Variants in TUBB2A observed in about 807,000 individuals in gnomAD.
TUBB2A encodes tubulin beta 2A class IIa, also known as tubulin beta-2A chain.
In TUBB2A, 7 loss-of-function variants were observed where a neutral mutation model predicts 33.9. The ratio of observed to expected loss-of-function variants is 0.21; its 90% CI spans 0.12 to 0.39. The LOEUF is 0.39. Among genes scored for constraint, TUBB2A ranks in the 10% least tolerant of loss-of-function variants. The pLI, the probability that TUBB2A is intolerant of heterozygous loss-of-function variation, is 1.00. For synonymous variants in TUBB2A, 187 were observed against 247.6 expected, an observed-to-expected ratio of 0.76 and a Z score of 2.30; for missense variants, 80 against 593.4, an observed-to-expected ratio of 0.13 and a Z score of 8.99.
At position 3,153,979 on chromosome 6, in the gene TUBB2A, A is replaced by T. The variant is rs1762591162; in HGVS notation, c.1222T>A (p.Phe408Ile). 1 of 1,605,598 alleles carries T rather than the reference A, an allele frequency of 6.2e-7. No individual in the cohort carries two copies. The highest frequency in any genetic ancestry group is 1.4e-5 in the African/African-American group (1 of 72,010). Residue 408 changes from phenylalanine to isoleucine, a missense_variant, in exon 4 of 4, where the codon TTC (phenylalanine) becomes ATC (isoleucine). Phe to Ile is a conservative substitution (Grantham distance 21). Around this residue, in one of 5 missense-constraint regions of TUBB2A, gnomAD observed 25 missense variants for 350.5 expected, o/e 0.07. Coordinates refer to ENST00000333628, the MANE Select transcript of TUBB2A (RefSeq NM_001069.3). ...YTGEGMDEME[F>I]TEAESNMNDL... is the part of the protein sequence containing the mutation. The stretch of plus-strand genomic sequence containing the variant: ...TTCATGTTGCTCTCGGCCTCGGTGA[A>T]CTCCATCTCGTCCATGCCCTCGCCC...
chr6:3,156,509 G>A (rs563603135), intron 1 of TUBB2A, among the ~76,000 whole-genome samples: 5 of 151,438 alleles, frequency 3.3e-5, no homozygotes, highest in Non-Finnish European at 7.4e-5. Context: ...CATTGCATCC[G>A]GGATGATTGA....
At position 3,155,829 on chromosome 6, in the gene TUBB2A, AT is replaced by A; in HGVS notation, c.167-95del. The A allele has an allele frequency of 7.4e-7, 1 of 1,354,396 alleles. No homozygotes were observed. The highest frequency in any genetic ancestry group is 1.4e-5 in the South Asian group (1 of 73,412). 83.9% of individuals were successfully genotyped at this position (1,354,396 alleles called of 1,614,324 possible). On this transcript the variant is annotated intron_variant, in intron 2 of 3. Coordinates refer to ENST00000333628, the MANE Select transcript of TUBB2A (RefSeq NM_001069.3). This position sits in a 1 kb window ranked among gnomAD's most constrained non-coding sequence, Gnocchi z 4.2. ...ATCTGAGACAAAAGGAGAACAGGAG[AT>A]TTTCTGCTTTTAAGAAAAAGGAGGT... is the stretch of plus-strand genomic sequence containing the variant.
At chr6:3,156,251 G>T in intron 1 of TUBB2A, 99 bp from the exon 2 acceptor site, 1 of 1,301,128 alleles carries the variant, frequency 7.7e-7, no homozygotes, top group Admixed American at 2.7e-5. Context: ...GGCTTTTGTG[G>T]TCAGACAGTT....
rs952668373 is a variant in TUBB2A at position 3,157,518 on chromosome 6, C to T, written c.-55G>A. 3 of 1,441,066 alleles carry T rather than the reference C, an allele frequency of 2.1e-6. No individual in the cohort carries two copies. Among genetic ancestry groups the T allele is most frequent in the East Asian group, 3.0e-5 (1 of 32,798 alleles). 89.3% of individuals were successfully genotyped at this position (1,441,066 alleles called of 1,614,324 possible). A position where few individuals can be genotyped will look rare whatever the true frequency, so the allele number is the denominator to read the frequency against. ...CCCTCGGAGCGGTGCGCGGCGTGGA[C>T]CGGCGGGCTGGGCTGCGCAGAGACC... is the stretch of plus-strand genomic sequence containing the variant. On this transcript the variant is annotated 5_prime_UTR_variant, in exon 1 of 4. Transcript: ENST00000333628.
intron 1 of TUBB2A, among the ~76,000 whole-genome samples, chr6:3,157,029 A>C (rs1177258889): frequency 1.3e-5 from 2 of 152,380 alleles, no homozygotes; most frequent in African/African-American, 2.4e-5. Flanking sequence ...TACATCTGCC[A>C]GTCCAGTGAC....
rs1255435132 is a variant in TUBB2A at position 3,156,002 on chromosome 6, T to G, written c.166+42A>C. 6.0e-6 allele frequency: 9 copies of G among 1,490,070 alleles called. No individual in the cohort carries two copies. The South Asian group carries it at 1.2e-4, about 20-fold the overall frequency. 92.3% of individuals were successfully genotyped at this position (1,490,070 alleles called of 1,614,324 possible). A position where few individuals can be genotyped will look rare whatever the true frequency, so the allele number is the denominator to read the frequency against. On this transcript the variant is annotated intron_variant, in intron 2 of 3. Transcript: ENST00000333628. ...CTGGGACGTTTCATCTCCCACATCA[T>G]GGAAAGCAAGGATTCCTGGGCACAC... is the stretch of plus-strand genomic sequence containing the variant.
At position 3,154,316 on chromosome 6, in the gene TUBB2A, G is replaced by A. The variant is rs1340011257; in HGVS notation, c.885C>T (p.Asp295=). The change falls in exon 4 of 4, where the codon GAC becomes GAT. Residue 295 remains aspartate, a synonymous_variant. Coordinates refer to ENST00000333628, the MANE Select transcript of TUBB2A (RefSeq NM_001069.3). ...TVPELTQQMF[D]SKNMMAACDP... ...CGCAGGCGGCCATCATGTTCTTGGA[G>A]TCGAACATCTGCTGGGTGAGCTCGG... The A allele has an allele frequency of 2.1e-6, 2 of 969,846 alleles. No individual in the cohort carries two copies. The highest frequency in any genetic ancestry group is 2.2e-5 in the African/African-American group (1 of 45,398). 60.1% of individuals were successfully genotyped at this position (969,846 alleles called of 1,614,324 possible). A position where few individuals can be genotyped will look rare whatever the true frequency, so the allele number is the denominator to read the frequency against.
Position 3,153,773 on chromosome 6 carries a change from C to T in TUBB2A, c.*90G>A, listed in dbSNP as rs145215507. On this transcript the variant is annotated 3_prime_UTR_variant, in exon 4 of 4. Transcript: ENST00000333628. ...CAACAGTGTGAATTTCTAACAGAGG[C>T]AAAACTGAGCACCATAGTTTACAAG... 14,555 of 1,572,396 alleles carry T rather than the reference C, an allele frequency of 9.3e-3. 90 individuals are homozygous for T. Among genetic ancestry groups the T allele is most frequent in the Admixed American group, 0.02 (1,144 of 57,190 alleles).
Position 3,156,155 on chromosome 6 carries a change from G to A in TUBB2A, c.58-3C>T, listed in dbSNP as rs1224343738. 1 of 1,613,464 alleles carries A rather than the reference G, an allele frequency of 6.2e-7. No individual in the cohort carries two copies. Among genetic ancestry groups the A allele is most frequent in the East Asian group, 2.2e-5 (1 of 44,886 alleles). On this transcript the variant is annotated splice_polypyrimidine_tract_variant and splice_region_variant and intron_variant, in intron 1 of 3. Transcript: ENST00000333628. Reference sequence around the variant, plus strand: ...TCATCGCTGATGACCTCCCAAAACTGAAATGAAAAAAGAACCACACCATGG... The same window carrying A: ...TCATCGCTGATGACCTCCCAAAACTAAAATGAAAAAAGAACCACACCATGG...
chr6:3,153,718 A>C lies in TUBB2A; in HGVS notation c.*145T>G. ...TAGATACCTTCACAGACAATACTGT[A>C]ATTTTTAGAGGAGTTCCACATCATT... On this transcript the variant is annotated 3_prime_UTR_variant, in exon 4 of 4. Coordinates refer to ENST00000333628, the MANE Select transcript of TUBB2A (RefSeq NM_001069.3). 7.7e-7 allele frequency: 1 copy of C among 1,292,270 alleles called. No homozygotes were observed. Among genetic ancestry groups the C allele is most frequent in the East Asian group, 2.5e-5 (1 of 39,704 alleles). The allele number at this position is 1,292,270 out of a possible 1,614,324, so 80.1% of individuals were successfully genotyped here. A position where few individuals can be genotyped will look rare whatever the true frequency, so the allele number is the denominator to read the frequency against.
chr6:3,157,262 G>T, intron 1 of TUBB2A, 145 bp downstream of exon 1: 1 of 966,652 alleles, frequency 1.0e-6, no homozygotes, highest in Non-Finnish European at 1.3e-6. Context: ...GGCGGGTCAT[G>T]CAGCCTCCCG....
intron 1 of TUBB2A, among the ~76,000 whole-genome samples, chr6:3,156,821 G>A (rs113236424): frequency 5.9e-5 from 9 of 151,954 alleles, no homozygotes; most frequent in African/African-American, 1.2e-4. Flanking sequence ...ACTGGCGCCC[G>A]CCCCCACCCA....
chr6:3,154,981 A>G, intron 3 of TUBB2A, 58 bp from the exon 4 acceptor site: 3 of 1,607,858 alleles, frequency 1.9e-6, no homozygotes, highest in Non-Finnish European at 2.5e-6. Context: ...AAAATCTGTC[A>G]TTTTGACTAT....
In TUBB2A at chr6:3,155,023, C is replaced by T; in HGVS notation, c.278-100G>A. On this transcript the variant is annotated intron_variant, in intron 3 of 3. Transcript: ENST00000333628. This position sits in a 1 kb window ranked among gnomAD's most constrained non-coding sequence, Gnocchi z 4.2. ...GAAGGTAGGACTGGTCTTAGACTGG[C>T]AGATTCTTCTCTTTTGAATACTCTT... 1 of 1,557,618 alleles carries T rather than the reference C, an allele frequency of 6.4e-7. No individual in the cohort carries two copies. Among genetic ancestry groups the T allele is most frequent in the Admixed American group, 1.9e-5 (1 of 52,152 alleles).
At chr6:3,157,165 A>T (rs909962) in intron 1 of TUBB2A, among the ~76,000 whole-genome samples, 18 of 152,154 alleles carry the variant, frequency 1.2e-4, no homozygotes, top group Non-Finnish European at 2.4e-4. Flanking sequence ...GGGAATGCCA[A>T]CCGCGTCCCG....
rs1762600538 is a variant in TUBB2A, at chr6:3,154,612, CTG to C, written c.587_588del (p.Thr196ArgfsTer2). The C allele has an allele frequency of 6.2e-7, 1 of 1,614,056 alleles. No homozygotes were observed. Among genetic ancestry groups the C allele is most frequent in the African/African-American group, 1.3e-5 (1 of 74,926 alleles). ...TCGTTATCAATGGAGTAGGTTTCAT[CTG>C]TGTTTTCCACCAGCTGGTGGACAGA... ...TLSVHQLVEN[T>X]DETYSIDNEA... On this transcript the variant is annotated frameshift_variant, in exon 4 of 4. Transcript: ENST00000333628. LOFTEE classifies it high-confidence loss of function.
Position 3,154,070 on chromosome 6 carries a change from C to T in TUBB2A, c.1131G>A (p.Leu377=), listed in dbSNP as rs1762592353. Residue 377 remains leucine (L), a synonymous_variant, in exon 4 of 4, where the codon CTG becomes CTA. Coordinates refer to ENST00000333628, the MANE Select transcript of TUBB2A (RefSeq NM_001069.3). ...TGAACTGCTCGGAGATGCGCTTGAACAGCTCCTGGATGGCCGTGCTGTTGC... is the reference window on the plus strand; with the variant it reads ...TGAACTGCTCGGAGATGCGCTTGAATAGCTCCTGGATGGCCGTGCTGTTGC... The part of the protein sequence containing the change: ...FIGNSTAIQE[L]FKRISEQFTA... 3 of 1,528,542 alleles carry T rather than the reference C, an allele frequency of 2.0e-6. No individual in the cohort carries two copies. Among genetic ancestry groups the T allele is most frequent in the Admixed American group, 1.8e-5 (1 of 54,598 alleles). The allele number at this position is 1,528,542 out of a possible 1,614,324, so 94.7% of individuals were successfully genotyped here.
Position 3,153,716 on chromosome 6 carries a change from GT to G in TUBB2A, c.*146del. The G allele has an allele frequency of 7.8e-7, 1 of 1,281,262 alleles. No homozygotes were observed. The highest frequency in any genetic ancestry group is 1.5e-5 in the South Asian group (1 of 66,848). The allele number at this position is 1,281,262 out of a possible 1,614,324, so 79.4% of individuals were successfully genotyped here. A position where few individuals can be genotyped will look rare whatever the true frequency, so the allele number is the denominator to read the frequency against. On this transcript the variant is annotated 3_prime_UTR_variant, in exon 4 of 4. Transcript: ENST00000333628. ...TATAGATACCTTCACAGACAATACT[GT>G]AATTTTTAGAGGAGTTCCACATCAT...
At chr6:3,156,746 T>C (rs1314671755) in intron 1 of TUBB2A, among the ~76,000 whole-genome samples, 1 of 152,162 alleles carries the variant, frequency 6.6e-6, no homozygotes, top group African/African-American at 2.4e-5. Flanking sequence ...CTGGCTGCAT[T>C]GTGAATTTGC....
Sources: allele counts gnomAD v4.1 joint callset (sites outside exome capture counted in the v4.1 genomes callset), GRCh38; gene constraint gnomAD v4.1.1; regional missense constraint gnomAD v4.1.1; non-coding constraint Gnocchi (gnomAD v3.1); transcripts MANE v1.5; gene names NCBI Gene and HGNC (gene_info 2026-07-23, HGNC 2026-07-21).